ERP44: variants seen among roughly 807,000 people sequenced by gnomAD.
The protein encoded by ERP44 is endoplasmic reticulum protein 44.
A neutral mutation model predicts 53.4 loss-of-function variants in ERP44; 25 were observed. The observed-to-expected ratio is 0.47, with a 90% CI of 0.34 to 0.65. The LOEUF is 0.65. Among genes scored for constraint, ERP44 ranks in the 30% least tolerant of loss-of-function variants. ERP44 has a pLI of 0.01. For missense variants in ERP44, 338 were observed against 493.2 expected (o/e 0.69, Z 2.98); for synonymous variants, 145 against 161.2 (o/e 0.90, Z 0.76).
intron 8 of ERP44, among the ~76,000 whole-genome samples, chr9:100,011,636 A>G (rs984601212): frequency 5.3e-5 from 8 of 152,220 alleles, no homozygotes; most frequent in Admixed American, 1.3e-4. Context: ...CAATCTGAGC[A>G]TATTTATTCA....
At chr9:100,023,434 T>C (rs1830616685) in intron 4 of ERP44, among the ~76,000 whole-genome samples, 1 of 109,530 alleles carries the variant, frequency 9.1e-6, no homozygotes, top group African/African-American at 3.0e-5. Context: ...TTGATTTCTT[T>C]TTTTTTTTTT....
At chr9:100,067,461 G>A (rs1302066557) in intron 1 of ERP44, among the ~76,000 whole-genome samples, 6 of 152,142 alleles carry the variant, frequency 3.9e-5, no homozygotes, top group African/African-American at 1.4e-4. Context: ...CCGAGGTGCC[G>A]GGATTGCAGA....
At chr9:99,985,969 C>A (rs1830192994) in intron 10 of ERP44, among the ~76,000 whole-genome samples, 1 of 152,200 alleles carries the variant, frequency 6.6e-6, no homozygotes, top group Non-Finnish European at 1.5e-5. Flanking sequence ...GATATATAAA[C>A]TGACACAACT....
intron 4 of ERP44, among the ~76,000 whole-genome samples, chr9:100,045,375 T>A (rs1317905669): frequency 6.6e-6 from 1 of 152,214 alleles, no homozygotes; most frequent in Admixed American, 6.5e-5. Context: ...TGTATTGTAC[T>A]CTCTTGCCTT....
At chr9:100,096,237 A>G (rs1026206374) in intron 1 of ERP44, among the ~76,000 whole-genome samples, 2 of 152,112 alleles carry the variant, frequency 1.3e-5, no homozygotes. Context: ...GTACACAACC[A>G]GTGCAGGAAA....
At chr9:100,089,537 C>T (rs1448268646) in intron 1 of ERP44, among the ~76,000 whole-genome samples, 1 of 145,706 alleles carries the variant, frequency 6.9e-6, no homozygotes, top group Admixed American at 7.0e-5. Flanking sequence ...ACCAATATCA[C>T]GCCACCGCAC....
intron 7 of ERP44, among the ~76,000 whole-genome samples, chr9:100,017,299 A>C (rs1174041147): frequency 1.3e-5 from 2 of 152,208 alleles, no homozygotes; most frequent in Non-Finnish European, 2.9e-5. Flanking sequence ...CGTTTTTACT[A>C]ATTAAGAAAC....
Position 99,992,211 on chromosome 9 carries a change from C to CA in ERP44, c.1017-7143dup, listed in dbSNP as rs1327507477. 7.2e-5 allele frequency among the ~76,000 whole-genome samples: 11 copies of CA among 151,978 alleles called. No homozygotes were observed. The East Asian group carries it at 7.7e-4, about 11-fold the overall frequency. ...ATACCAAAGCCTGGCAGAGACACAA[C>CA]AAAAAAAGAGAATTTAGACCAGTAA... On this transcript the variant is annotated intron_variant, in intron 10 of 11. Transcript: ENST00000262455.
At chr9:99,987,378 A>G (rs918280206) in intron 10 of ERP44, among the ~76,000 whole-genome samples, 6 of 152,242 alleles carry the variant, frequency 3.9e-5, no homozygotes, top group African/African-American at 7.2e-5. Context: ...CTTTAGGGCA[A>G]AATTGTTCTA....
At chr9:100,058,769 AG>A (rs1221451584) in intron 2 of ERP44, among the ~76,000 whole-genome samples, 1 of 152,248 alleles carries the variant, frequency 6.6e-6, no homozygotes, top group African/African-American at 2.4e-5. Flanking sequence ...AGAAACGTAA[AG>A]TCCTCAAGCA....
chr9:100,025,879 T>C lies in ERP44; in HGVS notation c.287-3653A>G, dbSNP rs193223896. Among the ~76,000 whole-genome samples the C allele has an allele frequency of 1.2e-4, 18 of 152,302 alleles. No individual in the cohort carries two copies. In the East Asian group the frequency reaches 1.4e-3, roughly 11 times the overall value. ...GAAAATCCAAAAGGGAATCTACAAA[T>C]GGATTTCCATTTTCAAGCAGGGTGT... On this transcript the variant is annotated intron_variant, in intron 4 of 11. Transcript: ENST00000262455.
intron 1 of ERP44, among the ~76,000 whole-genome samples, chr9:100,077,285 G>C (rs1826368315): frequency 6.6e-6 from 1 of 152,170 alleles, no homozygotes; most frequent in African/African-American, 2.4e-5. Flanking sequence ...AAAGAAGTGT[G>C]GCAGTGGACT....
intron 9 of ERP44, 30 bp downstream of exon 9, chr9:100,007,548 T>C (rs1269537925): frequency 9.6e-7 from 1 of 1,037,852 alleles, no homozygotes; most frequent in Non-Finnish European, 1.5e-6. Context: ...GAGAAAGAAA[T>C]GATGAAAATA....
At chr9:100,068,356 C>G (rs1826252779) in intron 1 of ERP44, among the ~76,000 whole-genome samples, 1 of 136,990 alleles carries the variant, frequency 7.3e-6, no homozygotes, top group Non-Finnish European at 1.6e-5. Flanking sequence ...CCCGCCCGGC[C>G]AGCCGCCCCG....
chr9:100,000,876 T>G (rs1830369057), intron 10 of ERP44, among the ~76,000 whole-genome samples: 2 of 152,106 alleles, frequency 1.3e-5, no homozygotes, highest in Admixed American at 1.3e-4. Flanking sequence ...CTTTATTATT[T>G]TCTTCCTTCT....
At chr9:100,059,454 G>A (rs1364229515) in intron 2 of ERP44, among the ~76,000 whole-genome samples, 2 of 152,204 alleles carry the variant, frequency 1.3e-5, no homozygotes, top group African/African-American at 2.4e-5. Flanking sequence ...GGGAGGCCAA[G>A]ATGAGAGGAC....
At chr9:100,054,621 T>C (rs1826071292) in intron 3 of ERP44, among the ~76,000 whole-genome samples, 2 of 152,180 alleles carry the variant, frequency 1.3e-5, no homozygotes, top group East Asian at 1.9e-4. Flanking sequence ...GAAATGCACA[T>C]TGAAGCATTT....
intron 8 of ERP44, among the ~76,000 whole-genome samples, chr9:100,010,426 C>T (rs2118637710): frequency 6.6e-6 from 1 of 152,292 alleles, no homozygotes; most frequent in African/African-American, 2.4e-5. Flanking sequence ...TAAGATTTTC[C>T]AGGTCTATAC....
intron 4 of ERP44, among the ~76,000 whole-genome samples, chr9:100,044,620 G>T (rs1488582640): frequency 6.6e-6 from 1 of 152,058 alleles, no homozygotes; most frequent in Non-Finnish European, 1.5e-5. Context: ...TGTGTTGAAG[G>T]TCATTTATTA....
Sources: allele counts gnomAD v4.1 joint callset (sites outside exome capture counted in the v4.1 genomes callset), GRCh38; gene constraint gnomAD v4.1.1; transcripts MANE v1.5; gene names NCBI Gene and HGNC (gene_info 2026-07-23, HGNC 2026-07-21).